Variants in SRCAP observed in about 807,000 individuals in gnomAD.
The protein encoded by SRCAP is Snf2 related CREBBP activator protein, also known as chromatin remodeling protein SRCAP.
SRCAP carries 46 observed loss-of-function variants against 263.1 expected under a neutral mutation model. The observed-to-expected ratio is 0.17, with a 90% CI of 0.14 to 0.22. The LOEUF is 0.22. Among genes scored for constraint, SRCAP ranks in the 10% least tolerant of loss-of-function variants. The probability of loss-of-function intolerance (pLI) is 1.00; values close to 1 mark genes in which losing one functional copy is unlikely to be tolerated. For synonymous variants in SRCAP, 1,813 were observed against 1,662.1 expected (o/e 1.09, Z -2.21); for missense variants, 3,695 against 4,181.9 (o/e 0.88, Z 3.21).
Position 30,716,426 on chromosome 16 carries a change from T to A in SRCAP, c.2764T>A (p.Cys922Ser). Residue 922 changes from cysteine (C) to serine (S), a missense_variant, in exon 18 of 34, where the codon TGC (cysteine) becomes AGC (serine). Cys to Ser is a moderately radical substitution (Grantham distance 112). This residue lies in a region of SRCAP where 147 missense variants were observed against 212.7 expected (regional missense o/e 0.69). Transcript: ENST00000262518. ...VTSPFITPGI[C>S]FSTASLVLRA... is the part of the protein sequence containing the mutation. ...CTCCCCTTTCATCACCCCAGGCATCTGCTTCAGCACCGCCTCTCTGGTGCT... is the reference window on the plus strand; with the variant it reads ...CTCCCCTTTCATCACCCCAGGCATCAGCTTCAGCACCGCCTCTCTGGTGCT... 1 of 1,614,222 alleles carries A rather than the reference T, an allele frequency of 6.2e-7. No individual in the cohort carries two copies. Among genetic ancestry groups the A allele is most frequent in the Non-Finnish European group, 8.5e-7 (1 of 1,180,030 alleles).
intron 25 of SRCAP, 58 bp from the exon 26 acceptor site, chr16:30,728,908 A>G: frequency 6.6e-7 from 1 of 1,525,018 alleles, no homozygotes; most frequent in Non-Finnish European, 8.8e-7. Flanking sequence ...AAGAACAGTC[A>G]GGTTTTGATG....
Position 30,700,832 on chromosome 16 carries a change from G to A in SRCAP, c.8G>A (p.Ser3Asn). 1 of 1,614,136 alleles carries A rather than the reference G, an allele frequency of 6.2e-7. No homozygotes were observed. The highest frequency in any genetic ancestry group is 8.5e-7 in the Non-Finnish European group (1 of 1,179,974). ...GAGCCTGGGAGTGGGACCATGCAGA[G>A]CAGCCCCTCCCCTGCTCACCCTCAG... is the stretch of plus-strand genomic sequence containing the variant. The part of the protein sequence containing the change: MQ[S>N]SPSPAHPQLP... The change falls in exon 3 of 34, where the codon AGC becomes AAC. Residue 3 changes from serine to asparagine, a missense_variant. Physicochemically the swap from Ser to Asn is conservative, Grantham distance 46. This residue lies in a region of SRCAP where 122 missense variants were observed against 116.9 expected (regional missense o/e 1.04). Transcript: ENST00000262518.
In SRCAP at chr16:30,738,720, C is replaced by T. The variant is rs943062766; in HGVS notation, c.8680C>T (p.Pro2894Ser). ...GAAGGGAAAAACCAATGGGGCTGAC[C>T]CAGTCCCTGGGCCTGAGACCCTAAT... Reference protein sequence around the residue: ...TLKGKTNGADPVPGPETLIVA... With the variant: ...TLKGKTNGADSVPGPETLIVA... The change falls in exon 34 of 34, where the codon CCA becomes TCA. Residue 2894 changes from proline to serine, a missense_variant. Physicochemically the swap from Pro to Ser is moderately conservative, Grantham distance 74 (BLOSUM62 -1). This residue lies in a region of SRCAP where 1,207 missense variants were observed against 1,142.9 expected (regional missense o/e 1.06). Coordinates refer to ENST00000262518, the MANE Select transcript of SRCAP (RefSeq NM_006662.3). The T allele has an allele frequency of 1.2e-6, 2 of 1,613,962 alleles. No homozygotes were observed. Among genetic ancestry groups the T allele is most frequent in the African/African-American group, 2.7e-5 (2 of 74,904 alleles).
At position 30,724,342 on chromosome 16, in the gene SRCAP, A is replaced by G; in HGVS notation, c.4918A>G (p.Thr1640Ala). 1.2e-6 allele frequency: 2 copies of G among 1,613,864 alleles called. No homozygotes were observed. The highest frequency in any genetic ancestry group is 1.7e-6 in the Non-Finnish European group (2 of 1,179,930). ...PVMAPSSTPG[T>A]SLASASPVPA... ...TATGGCTCCATCGTCTACTCCAGGA[A>G]CCTCTTTAGCCTCAGCTTCACCGGT... is the stretch of plus-strand genomic sequence containing the variant. Residue 1640 changes from threonine to alanine, a missense_variant, in exon 25 of 34, where the codon ACC (threonine) becomes GCC (alanine). Around this residue, in one of 12 missense-constraint regions of SRCAP, gnomAD observed 1,347 missense variants for 1,304.4 expected, o/e 1.03. Coordinates refer to ENST00000262518, the MANE Select transcript of SRCAP (RefSeq NM_006662.3).
At chr16:30,709,317 G>A (rs1317942511) in intron 6 of SRCAP, among the ~76,000 whole-genome samples, 196 bp from the exon 7 acceptor site, 1 of 151,780 alleles carries the variant, frequency 6.6e-6, no homozygotes, top group East Asian at 1.9e-4. Flanking sequence ...CTCCACCTGA[G>A]GCGAAGCTGG....
At position 30,733,281 on chromosome 16, in the gene SRCAP, A is replaced by G. The variant is rs142252684; in HGVS notation, c.6129A>G (p.Gly2043=). 60 of 1,613,572 alleles carry G rather than the reference A, an allele frequency of 3.7e-5. No individual in the cohort carries two copies. In the African/African-American group the frequency reaches 7.3e-4, roughly 20 times the overall value. ...PDLRLIQYDC[G]KLQTLAVLLR... ...CTGTATCCCTTCATATCTCTTTAGG[A>G]AAGTTGCAGACGTTGGCAGTGCTGT... The change falls in exon 28 of 34, where the codon GGA becomes GGG. Residue 2043 remains glycine, a splice_region_variant and synonymous_variant. Transcript: ENST00000262518. The surrounding 1 kb of genome is among the most constrained non-coding windows in gnomAD (Gnocchi z 5.3).
At chr16:30,728,776 AAAAG>A (rs1264404218) in intron 25 of SRCAP, among the ~76,000 whole-genome samples, 186 bp from the exon 26 acceptor site, 19 of 152,312 alleles carry the variant, frequency 1.2e-4, no homozygotes, top group Non-Finnish European at 2.2e-4. Context: ...TTTAACATAA[AAAAG>A]AAAGTTATTT....
Position 30,741,323 on chromosome 16 carries a change from C to T in SRCAP, c.*1590C>T, listed in dbSNP as rs933717392. 1 of 157,418 alleles carries T rather than the reference C, an allele frequency of 6.4e-6. No individual in the cohort carries two copies. Among genetic ancestry groups the T allele is most frequent in the African/African-American group, 2.4e-5 (1 of 41,594 alleles). The allele number at this position is 157,418 out of a possible 1,614,324, so 9.8% of individuals were successfully genotyped here. A position where few individuals can be genotyped will look rare whatever the true frequency, so the allele number is the denominator to read the frequency against. ...TACCTAGGGTCCTGCTCTCTGACAT[C>T]TATAATACTCAGGGGGCAGCCTCTT... On this transcript the variant is annotated 3_prime_UTR_variant, in exon 34 of 34. Coordinates refer to ENST00000262518, the MANE Select transcript of SRCAP (RefSeq NM_006662.3).
At chr16:30,714,034 A>T (rs186014137) in intron 16 of SRCAP, among the ~76,000 whole-genome samples, 6,603 of 146,718 alleles carry the variant, frequency 0.045, 215 homozygotes, top group Non-Finnish European at 0.073. Context: ...AGTAGCCAGG[A>T]CTACAGGCAC....
chr16:30,702,558 C>T (rs1174753862), intron 3 of SRCAP, among the ~76,000 whole-genome samples: 2 of 134,622 alleles, frequency 1.5e-5, no homozygotes, highest in Non-Finnish European at 3.2e-5. Context: ...CCTTCCCTCC[C>T]TCCCTCCCTT....
intron 3 of SRCAP, among the ~76,000 whole-genome samples, chr16:30,703,429 G>A (rs1326339837): frequency 2.0e-5 from 3 of 150,452 alleles, no homozygotes; most frequent in African/African-American, 7.3e-5. Flanking sequence ...CCTGACCTCA[G>A]GTGATCCACC....
chr16:30,723,976 T>C lies in SRCAP; in HGVS notation c.4552T>C (p.Ser1518Pro). The part of the protein sequence containing the change: ...GLATAPSLSS[S>P]QTPGHPLLLA... ...GGCCACAGCTCCATCCCTGTCTTCA[T>C]CTCAGACACCTGGTCACCCTCTGTT... The change falls in exon 25 of 34, where the codon TCT (serine) becomes CCT (proline). Residue 1518 changes from serine (S) to proline (P), a missense_variant. Ser to Pro is a moderately conservative substitution (Grantham distance 74, BLOSUM62 -1). Coordinates refer to ENST00000262518, the MANE Select transcript of SRCAP (RefSeq NM_006662.3). 6.2e-7 allele frequency: 1 copy of C among 1,614,168 alleles called. No homozygotes were observed. The highest frequency in any genetic ancestry group is 8.5e-7 in the Non-Finnish European group (1 of 1,180,020).
rs777265102 is a variant in SRCAP, at chr16:30,725,121, T to G, written c.5658+39T>G. On this transcript the variant is annotated intron_variant, in intron 25 of 33. Coordinates refer to ENST00000262518, the MANE Select transcript of SRCAP (RefSeq NM_006662.3). The stretch of plus-strand genomic sequence containing the variant: ...CCTCAAGAGGGAACAGGAAGTTGAG[T>G]TTCTTTGGAGTGTTGGTAGGGTGGA... 4.5e-6 allele frequency: 7 copies of G among 1,564,162 alleles called. No individual in the cohort carries two copies. The Admixed American group carries it at 1.3e-4, about 29-fold the overall frequency.
Position 30,699,218 on chromosome 16 carries a change from A to C in SRCAP, c.-308A>C. The C allele has an allele frequency of 2.5e-6, 1 of 398,742 alleles. No individual in the cohort carries two copies. Among genetic ancestry groups the C allele is most frequent in the Non-Finnish European group, 4.4e-6 (1 of 226,132 alleles). The allele number at this position is 398,742 out of a possible 1,614,324, so 24.7% of individuals were successfully genotyped here. ...GGAGATGGTCACGAAACCTGAAGTC[A>C]AGAGTTAAGGCTTGTTGGCTTCTGG... On this transcript the variant is annotated 5_prime_UTR_variant, in exon 1 of 34. Transcript: ENST00000262518.
rs951477631 is a variant in SRCAP, at chr16:30,739,154, G to T, written c.9114G>T (p.Leu3038Phe). The T allele has an allele frequency of 3.1e-6, 5 of 1,613,972 alleles. No homozygotes were observed. The highest frequency in any genetic ancestry group is 4.2e-6 in the Non-Finnish European group (5 of 1,180,002). ...DSTSVLESCG[L>F]GRRRQPQGQG... is the part of the protein sequence containing the mutation. Reference sequence around the variant, plus strand: ...CTTCTGTTCTCGAGAGCTGTGGATTGGGGAGGCGACGGCAACCCCAGGGCC... The same window carrying T: ...CTTCTGTTCTCGAGAGCTGTGGATTTGGGAGGCGACGGCAACCCCAGGGCC... The change falls in exon 34 of 34, where the codon TTG becomes TTT. Residue 3038 changes from leucine to phenylalanine, a missense_variant. Coordinates refer to ENST00000262518, the MANE Select transcript of SRCAP (RefSeq NM_006662.3).
intron 22 of SRCAP, 94 bp downstream of exon 22, chr16:30,722,380 T>C: frequency 6.5e-7 from 1 of 1,544,802 alleles, no homozygotes; most frequent in Non-Finnish European, 8.7e-7. Context: ...TTATGTTTCT[T>C]ACCCAAGCTT....
Position 30,739,570 on chromosome 16 carries a change from C to T in SRCAP, c.9530C>T (p.Ser3177Leu). The T allele has an allele frequency of 6.2e-7, 1 of 1,606,686 alleles. No individual in the cohort carries two copies. ...GTAGAGGAGTCTGAGGCTGAAGCCT[C>T]AGGTGAGGAGGAGGAAGGGGATGGG... ...GSVEESEAEA[S>L]GEEEEGDGTP... Residue 3177 changes from serine to leucine, a missense_variant, in exon 34 of 34, where the codon TCA becomes TTA. Physicochemically the swap from Ser to Leu is moderately radical, Grantham distance 145. This residue lies in a region of SRCAP where 1,207 missense variants were observed against 1,142.9 expected (regional missense o/e 1.06). Coordinates refer to ENST00000262518, the MANE Select transcript of SRCAP (RefSeq NM_006662.3).
At chr16:30,700,975 T>C in intron 3 of SRCAP, 97 bp downstream of exon 3, 2 of 1,340,444 alleles carry the variant, frequency 1.5e-6, no homozygotes, top group Non-Finnish European at 2.1e-6. Flanking sequence ...GTGGAGAGTT[T>C]TGGAGAATCT....
intron 3 of SRCAP, among the ~76,000 whole-genome samples, chr16:30,702,985 A>C (rs568293241): frequency 1.0e-3 from 156 of 152,162 alleles, no homozygotes; most frequent in African/African-American, 3.6e-3. Context: ...GAAGAGGTTA[A>C]GGTGGCCTGG....
Sources: allele counts gnomAD v4.1 joint callset (sites outside exome capture counted in the v4.1 genomes callset), GRCh38; gene constraint gnomAD v4.1.1; regional missense constraint gnomAD v4.1.1; non-coding constraint Gnocchi (gnomAD v3.1); transcripts MANE v1.5; gene names NCBI Gene and HGNC (gene_info 2026-07-23, HGNC 2026-07-21).